LRFN2: variants seen among roughly 807,000 people sequenced by gnomAD.
LRFN2 encodes the protein leucine rich repeat and fibronectin type III domain containing 2, also known as leucine-rich repeat and fibronectin type-III domain-containing protein 2.
A neutral mutation model predicts 37.3 loss-of-function variants in LRFN2; 18 were observed. The ratio of observed to expected loss-of-function variants is 0.48; its 90% CI spans 0.33 to 0.72. The LOEUF is 0.72. Among genes scored for constraint, LRFN2 ranks in the 30% least tolerant of loss-of-function variants. LRFN2 has a pLI of 0.02. For missense variants in LRFN2, 1,006 were observed against 1,060.7 expected (o/e 0.95, Z 0.72); for synonymous variants, 556 against 466.6 (o/e 1.19, Z -2.47).
At chr6:40,586,158 C>A (rs547686835) in intron 1 of LRFN2, among the ~76,000 whole-genome samples, 22 of 152,152 alleles carry the variant, frequency 1.4e-4, no homozygotes, top group Non-Finnish European at 2.8e-4. Flanking sequence ...AGGACACCTC[C>A]CTCAGAAGGT....
At chr6:40,526,950 T>A (rs1319020137) in intron 1 of LRFN2, among the ~76,000 whole-genome samples, 1 of 152,148 alleles carries the variant, frequency 6.6e-6, no homozygotes, top group Non-Finnish European at 1.5e-5. Flanking sequence ...CTGAACTGGG[T>A]GACCTCAAAG....
At chr6:40,442,066 C>G (rs547127883) in intron 1 of LRFN2, among the ~76,000 whole-genome samples, 2 of 152,176 alleles carry the variant, frequency 1.3e-5, no homozygotes, top group African/African-American at 4.8e-5. Flanking sequence ...ACCCCTTACT[C>G]CCTCCTGCTC....
At chr6:40,583,878 G>A (rs1767451495) in intron 1 of LRFN2, among the ~76,000 whole-genome samples, 1 of 152,194 alleles carries the variant, frequency 6.6e-6, no homozygotes. Context: ...ACTGGGTGCT[G>A]GCGGCGGTTG....
Position 40,398,523 on chromosome 6 carries a change from G to A in LRFN2, c.1401-5611C>T, listed in dbSNP as rs147222974. ...GGCGGAGGAGGGGAGAGTGGATCCC[G>A]AGGGACAATAGATAATAAATGGCTC... On this transcript the variant is annotated intron_variant, in intron 2 of 2. Transcript: ENST00000338305. Among the ~76,000 whole-genome samples the A allele has an allele frequency of 9.2e-5, 14 of 151,818 alleles. No individual in the cohort carries two copies. In the East Asian group the frequency reaches 1.9e-3, roughly 21 times the overall value.
intron 1 of LRFN2, among the ~76,000 whole-genome samples, chr6:40,533,374 A>AACACACAC (rs58462773): frequency 0.021 from 2,942 of 143,016 alleles, 103 homozygotes; most frequent in African/African-American, 0.068. Flanking sequence ...TCTTGCTCAA[A>AACACACAC]ACACACACAC....
At chr6:40,433,886 T>A (rs915108612) in intron 1 of LRFN2, among the ~76,000 whole-genome samples, 7 of 152,084 alleles carry the variant, frequency 4.6e-5, no homozygotes, top group African/African-American at 1.7e-4. Context: ...ATACATCAGC[T>A]CTTTTGGGCT....
chr6:40,423,179 A>T (rs1581693447), intron 2 of LRFN2, among the ~76,000 whole-genome samples: 1 of 152,052 alleles, frequency 6.6e-6, no homozygotes, highest in African/African-American at 2.4e-5. Flanking sequence ...TCAGGGATTC[A>T]CTCCTTTGGG....
intron 1 of LRFN2, among the ~76,000 whole-genome samples, chr6:40,442,955 T>C (rs560538909): frequency 2.6e-5 from 4 of 152,348 alleles, no homozygotes; most frequent in Non-Finnish European, 5.9e-5. Context: ...TGCCCTGTTA[T>C]TATGTGTGTG....
chr6:40,569,084 A>G (rs989416028), intron 1 of LRFN2, among the ~76,000 whole-genome samples: 2 of 152,238 alleles, frequency 1.3e-5, no homozygotes, highest in Non-Finnish European at 2.9e-5. Flanking sequence ...TTCCAAAGGC[A>G]GCTCTGGGAC....
chr6:40,509,423 G>A (rs1561886302), intron 1 of LRFN2, among the ~76,000 whole-genome samples: 2 of 152,260 alleles, frequency 1.3e-5, no homozygotes, highest in South Asian at 2.1e-4. Flanking sequence ...GCAGCTCAAT[G>A]TAGTGGGTCA....
intron 1 of LRFN2, among the ~76,000 whole-genome samples, chr6:40,498,393 C>A (rs566489033): frequency 6.6e-6 from 1 of 152,236 alleles, no homozygotes; most frequent in East Asian, 1.9e-4. Flanking sequence ...GGCGGAGAGT[C>A]CAGAGCCTGC....
intron 1 of LRFN2, among the ~76,000 whole-genome samples, chr6:40,499,032 A>G (rs1765306740): frequency 6.6e-6 from 1 of 152,210 alleles, no homozygotes; most frequent in African/African-American, 2.4e-5. Flanking sequence ...ACACGATTTC[A>G]AACACAAATC....
intron 2 of LRFN2, among the ~76,000 whole-genome samples, chr6:40,420,546 G>A (rs956857289): frequency 1.3e-4 from 20 of 152,278 alleles, no homozygotes; most frequent in African/African-American, 4.8e-4. Context: ...CAGGTGCCAA[G>A]AAATGCTCAC....
chr6:40,540,337 T>G (rs748953570), intron 1 of LRFN2, among the ~76,000 whole-genome samples: 4 of 152,086 alleles, frequency 2.6e-5, no homozygotes, highest in Non-Finnish European at 5.9e-5. Flanking sequence ...GGTTCAGGAG[T>G]GCCATCTGTA....
intron 1 of LRFN2, among the ~76,000 whole-genome samples, chr6:40,433,344 T>A (rs1467244651): frequency 6.6e-6 from 1 of 152,226 alleles, no homozygotes; most frequent in Non-Finnish European, 1.5e-5. Context: ...CACTATTTAG[T>A]TTACTTATTT....
chr6:40,501,497 T>G (rs1352587413), intron 1 of LRFN2: 1 of 151,760 alleles, frequency 6.6e-6, no homozygotes, highest in Admixed American at 6.6e-5. Context: ...TTTTTTTTTT[T>G]TTTAATTTTT....
intron 1 of LRFN2, among the ~76,000 whole-genome samples, chr6:40,513,975 G>A (rs568160662): frequency 4.1e-4 from 63 of 152,208 alleles, no homozygotes; most frequent in South Asian, 1.2e-3. Flanking sequence ...GAGAGGACAA[G>A]GGAGCAGGGA....
intron 1 of LRFN2, among the ~76,000 whole-genome samples, chr6:40,567,561 T>C (rs1190720885): frequency 6.6e-6 from 1 of 152,192 alleles, no homozygotes; most frequent in Non-Finnish European, 1.5e-5. Context: ...TCCTCTCCAC[T>C]TCTGAATCTC....
intron 1 of LRFN2, among the ~76,000 whole-genome samples, chr6:40,559,547 C>T (rs1038727835): frequency 3.3e-5 from 5 of 151,992 alleles, no homozygotes; most frequent in South Asian, 2.1e-4. Context: ...GTAGGGGCAG[C>T]GGAGGGAGGG....
Sources: allele counts gnomAD v4.1 joint callset (sites outside exome capture counted in the v4.1 genomes callset), GRCh38; gene constraint gnomAD v4.1.1; transcripts MANE v1.5; gene names NCBI Gene and HGNC (gene_info 2026-07-23, HGNC 2026-07-21).